Variants in UNC5C observed in about 807,000 individuals in gnomAD.
The protein encoded by UNC5C is unc-5 netrin receptor C.
UNC5C carries 47 observed loss-of-function variants against 99.8 expected under a neutral mutation model. The ratio of observed to expected loss-of-function variants is 0.47; its 90% CI spans 0.37 to 0.60. UNC5C has a LOEUF of 0.60. Ranked by LOEUF, UNC5C falls within the 20% of genes least tolerant of loss-of-function variation. The pLI, the probability that UNC5C is intolerant of heterozygous loss-of-function variation, is 0.00. For missense variants in UNC5C, 1,062 were observed against 1,165.9 expected (o/e 0.91, Z 1.30); for synonymous variants, 487 against 452.2 (o/e 1.08, Z -0.98).
At chr4:95,426,617 T>G (rs1372531621) in intron 1 of UNC5C, among the ~76,000 whole-genome samples, 1 of 152,178 alleles carries the variant, frequency 6.6e-6, no homozygotes, top group Non-Finnish European at 1.5e-5. Context: ...ATGAAGCCAA[T>G]TAAAAGTGCT....
chr4:95,240,637 C>A (rs1212839613), intron 7 of UNC5C, among the ~76,000 whole-genome samples: 1 of 152,046 alleles, frequency 6.6e-6, no homozygotes, highest in East Asian at 1.9e-4. Context: ...CAAACACAAA[C>A]ACAAACAAAC....
chr4:95,256,815 C>G lies in UNC5C; in HGVS notation c.595-6148G>C, dbSNP rs184105858. On this transcript the variant is annotated intron_variant, in intron 4 of 15. Transcript: ENST00000453304. ...AGGAGAGCCAATCCAAGTCCCAAAA[C>G]TAAAGAGTTTGGAGTCTGATGTTTG... is the stretch of plus-strand genomic sequence containing the variant. Among the ~76,000 whole-genome samples, 131 of 151,422 alleles carry G rather than the reference C, an allele frequency of 8.7e-4. 1 individual carries two copies. The highest frequency in any genetic ancestry group is 3.1e-3 in the African/African-American group (127 of 41,352).
chr4:95,298,697 T>C (rs758164514), intron 3 of UNC5C, among the ~76,000 whole-genome samples: 1 of 152,140 alleles, frequency 6.6e-6, no homozygotes, highest in Non-Finnish European at 1.5e-5. Context: ...GATCATTCAT[T>C]TTATTTAGAG....
intron 1 of UNC5C, among the ~76,000 whole-genome samples, chr4:95,514,375 CTTGGTATGCT>C (rs1393284449): frequency 6.6e-6 from 1 of 151,952 alleles, no homozygotes; most frequent in Non-Finnish European, 1.5e-5. Flanking sequence ...TGTGGGTGAA[CTTGGTATGCT>C]TTGACCAATT....
chr4:95,432,472 A>G (rs1386518111), intron 1 of UNC5C, among the ~76,000 whole-genome samples: 2 of 152,140 alleles, frequency 1.3e-5, no homozygotes, highest in African/African-American at 4.8e-5. Flanking sequence ...ATGTGAGTCA[A>G]AAACATTGAT....
At chr4:95,525,558 A>G (rs1403384240) in intron 1 of UNC5C, among the ~76,000 whole-genome samples, 2 of 148,512 alleles carry the variant, frequency 1.3e-5, no homozygotes, top group Non-Finnish European at 3.0e-5. Context: ...TAAAAAACCC[A>G]TATTCAATTT....
At chr4:95,317,944 G>A (rs1158570327) in intron 2 of UNC5C, among the ~76,000 whole-genome samples, 1 of 151,988 alleles carries the variant, frequency 6.6e-6, no homozygotes, top group Non-Finnish European at 1.5e-5. Context: ...AATGCGGAAT[G>A]GTGTCCCACA....
chr4:95,418,071 G>T (rs1016130468), intron 1 of UNC5C, among the ~76,000 whole-genome samples: 5 of 152,284 alleles, frequency 3.3e-5, no homozygotes, highest in South Asian at 2.1e-4. Context: ...GTGATAGTAG[G>T]TTAGCGAATG....
At chr4:95,385,027 AG>A (rs958300474) in intron 1 of UNC5C, among the ~76,000 whole-genome samples, 2 of 70,922 alleles carry the variant, frequency 2.8e-5, no homozygotes, top group African/African-American at 9.8e-5. Flanking sequence ...ATTTGTGCCC[AG>A]GGGGAGGTCT....
chr4:95,484,957 G>C (rs1466732215), intron 1 of UNC5C, among the ~76,000 whole-genome samples: 1 of 151,696 alleles, frequency 6.6e-6, no homozygotes, highest in East Asian at 1.9e-4. Flanking sequence ...TTGTATCCTT[G>C]GTTAAAACAA....
At chr4:95,436,209 T>C (rs1483747) in intron 1 of UNC5C, among the ~76,000 whole-genome samples, 26,170 of 151,230 alleles carry the variant, frequency 0.17, 2,677 homozygotes, top group Admixed American at 0.31. Flanking sequence ...AAAGAGAAAA[T>C]TCATAGGATC....
intron 1 of UNC5C, among the ~76,000 whole-genome samples, chr4:95,527,460 T>A (rs1486314356): frequency 1.3e-5 from 2 of 152,124 alleles, no homozygotes; most frequent in Admixed American, 1.3e-4. Context: ...TGATACTTAA[T>A]TGGTAAGCTG....
chr4:95,238,935 T>A (rs1322909620), intron 7 of UNC5C, among the ~76,000 whole-genome samples: 2 of 152,228 alleles, frequency 1.3e-5, no homozygotes, highest in Non-Finnish European at 2.9e-5. Context: ...ATTCTGTTAT[T>A]TCATTTGTGC....
At chr4:95,318,960 C>A (rs1255901900) in intron 2 of UNC5C, among the ~76,000 whole-genome samples, 1 of 152,072 alleles carries the variant, frequency 6.6e-6, no homozygotes, top group East Asian at 1.9e-4. Context: ...TACTCGTTTT[C>A]CCCCATCTCT....
intron 4 of UNC5C, among the ~76,000 whole-genome samples, chr4:95,262,772 T>G (rs1740290064): frequency 6.6e-6 from 1 of 152,012 alleles, no homozygotes; most frequent in Non-Finnish European, 1.5e-5. Flanking sequence ...GGAAATGGCA[T>G]AGAAATATAA....
chr4:95,536,708 T>C (rs1476938158), intron 1 of UNC5C, among the ~76,000 whole-genome samples: 1 of 152,162 alleles, frequency 6.6e-6, no homozygotes, highest in Non-Finnish European at 1.5e-5. Flanking sequence ...TAATAGATAT[T>C]TGAGTCTGAA....
chr4:95,345,830 A>G (rs1369333324), intron 1 of UNC5C, among the ~76,000 whole-genome samples: 1 of 151,982 alleles, frequency 6.6e-6, no homozygotes, highest in Non-Finnish European at 1.5e-5. Flanking sequence ...ACAACATACC[A>G]AAACCTATGG....
chr4:95,457,862 A>T (rs1183402219), intron 1 of UNC5C, among the ~76,000 whole-genome samples: 1 of 152,142 alleles, frequency 6.6e-6, no homozygotes, highest in East Asian at 1.9e-4. Context: ...GTGGACAAGG[A>T]TCTGAACGTC....
rs1388499870 is a variant in UNC5C, at chr4:95,301,742, A to G, written c.354T>C (p.Ile118=). The stretch of plus-strand genomic sequence containing the variant: ...AAATCTCAATGCTCACTTCCCGGAC[A>G]ATGAGACCTGACAAGAGAAAAAGAA... ...DERVDETSGL[I]VREVSIEISR... The change falls in exon 3 of 16, where the codon ATT becomes ATC. Residue 118 remains isoleucine (I), a synonymous_variant. Coordinates refer to ENST00000453304, the MANE Select transcript of UNC5C (RefSeq NM_003728.4). 6.2e-7 allele frequency: 1 copy of G among 1,612,710 alleles called. No individual in the cohort carries two copies. Among genetic ancestry groups the G allele is most frequent in the Non-Finnish European group, 8.5e-7 (1 of 1,179,974 alleles).
Sources: gnomAD v4.1 joint callset for allele counts (sites outside exome capture counted in the v4.1 genomes callset) on GRCh38, gnomAD v4.1.1 for gene constraint, MANE v1.5 for transcripts, NCBI Gene and HGNC (gene_info 2026-07-23, HGNC 2026-07-21) for gene names.